AP1S3: variants seen among roughly 807,000 people sequenced by gnomAD.
AP1S3 encodes adaptor related protein complex 1 subunit sigma 3, also known as AP-1 complex subunit sigma-3.
AP1S3 carries 10 observed loss-of-function variants against 20.9 expected under a neutral mutation model. The ratio of observed to expected loss-of-function variants is 0.48; its 90% CI spans 0.29 to 0.81. AP1S3 has a LOEUF of 0.81. AP1S3 is among the 30% of genes least tolerant of loss of function. AP1S3 has a pLI of 0.08. For synonymous variants in AP1S3, 41 were observed against 61.5 expected (o/e 0.67, Z 1.56); for missense variants, 154 against 183.8 (o/e 0.84, Z 0.94).
At chr2:223,772,718 A>G (rs1421074361) in intron 3 of AP1S3, among the ~76,000 whole-genome samples, 2 of 152,234 alleles carry the variant, frequency 1.3e-5, no homozygotes, top group Non-Finnish European at 2.9e-5. Flanking sequence ...TCAGCAGATA[A>G]TATTTTCCAG....
chr2:223,834,976 G>A (rs1442037824), intron 1 of AP1S3, among the ~76,000 whole-genome samples: 1 of 137,342 alleles, frequency 7.3e-6, no homozygotes, highest in Non-Finnish European at 1.6e-5. Flanking sequence ...TACTATCTCA[G>A]CTTATGTAGA....
At chr2:223,761,060 C>A (rs913451030) in intron 4 of AP1S3, among the ~76,000 whole-genome samples, 1 of 152,152 alleles carries the variant, frequency 6.6e-6, no homozygotes, top group Non-Finnish European at 1.5e-5. Flanking sequence ...CCTGTCTGAG[C>A]CGAGCCAGGC....
intron 1 of AP1S3, among the ~76,000 whole-genome samples, chr2:223,835,275 C>A (rs78535385): frequency 2.0e-5 from 3 of 152,218 alleles, no homozygotes; most frequent in Admixed American, 2.0e-4. Flanking sequence ...ACAGATTTAA[C>A]CTCAATTGTT....
At chr2:223,817,607 CA>C (rs748661983) in intron 1 of AP1S3, among the ~76,000 whole-genome samples, 86 of 81,190 alleles carry the variant, frequency 1.1e-3, no homozygotes, top group Non-Finnish European at 1.1e-3. Context: ...GACTCCGTCT[CA>C]AAAAAAAAAA....
intron 1 of AP1S3, among the ~76,000 whole-genome samples, chr2:223,790,734 TC>T (rs1691197659): frequency 6.6e-6 from 1 of 152,166 alleles, no homozygotes; most frequent in South Asian, 2.1e-4. Context: ...AATTAGCATA[TC>T]CATCACCTCA....
chr2:223,762,479 G>T (rs1690382238), intron 4 of AP1S3, among the ~76,000 whole-genome samples: 3 of 151,994 alleles, frequency 2.0e-5, no homozygotes, highest in African/African-American at 7.2e-5. Flanking sequence ...TGCCATGTTG[G>T]CTAGGCTGGC....
intron 1 of AP1S3, among the ~76,000 whole-genome samples, chr2:223,793,185 G>T (rs961965141): frequency 1.3e-5 from 2 of 152,102 alleles, no homozygotes; most frequent in African/African-American, 4.8e-5. Context: ...AGACCTACAG[G>T]CAGAAACGCC....
At chr2:223,793,076 A>T (rs147016377) in intron 1 of AP1S3, among the ~76,000 whole-genome samples, 1 of 152,304 alleles carries the variant, frequency 6.6e-6, no homozygotes, top group Non-Finnish European at 1.5e-5. Flanking sequence ...AAACCAACAG[A>T]TGCTGATGAG....
chr2:223,776,379 G>A (rs902981913), intron 2 of AP1S3, among the ~76,000 whole-genome samples: 5 of 152,082 alleles, frequency 3.3e-5, no homozygotes, highest in African/African-American at 4.8e-5. Context: ...AGGAGCCCAC[G>A]CTCCCCACCC....
In AP1S3 at chr2:223,755,634, G is replaced by A. The variant is rs545130496; in HGVS notation, c.*3081C>T. ...CAACCTCTGCCTCCCGGGTTCAAGC[G>A]ATTCTCCTGCCTCAGCCTCCTGAGT... On this transcript the variant is annotated 3_prime_UTR_variant, in exon 5 of 5. Coordinates refer to ENST00000396654, the MANE Select transcript of AP1S3 (RefSeq NM_001039569.2). Among the ~76,000 whole-genome samples, 2 of 150,790 alleles carry A rather than the reference G, an allele frequency of 1.3e-5. No individual in the cohort carries two copies. Among genetic ancestry groups the A allele is most frequent in the South Asian group, 4.2e-4 (2 of 4,774 alleles).
intron 1 of AP1S3, among the ~76,000 whole-genome samples, chr2:223,834,321 T>C (rs186509722): frequency 2.6e-5 from 4 of 152,220 alleles, no homozygotes; most frequent in Non-Finnish European, 5.9e-5. Flanking sequence ...CTGGGCCCAA[T>C]TGTTCATGCC....
At chr2:223,791,890 G>C (rs1253360186) in intron 1 of AP1S3, among the ~76,000 whole-genome samples, 1 of 152,050 alleles carries the variant, frequency 6.6e-6, no homozygotes, top group African/African-American at 2.4e-5. Context: ...GTGAACAACA[G>C]GCAAGCCAAG....
intron 1 of AP1S3, among the ~76,000 whole-genome samples, chr2:223,828,693 T>C (rs767579979): frequency 6.6e-6 from 1 of 151,728 alleles, no homozygotes; most frequent in African/African-American, 2.4e-5. Context: ...ACACACTCTC[T>C]GAGGCCCAGA....
chr2:223,767,041 C>T (rs1283310397), intron 3 of AP1S3, among the ~76,000 whole-genome samples: 1 of 151,252 alleles, frequency 6.6e-6, no homozygotes, highest in Non-Finnish European at 1.5e-5. Flanking sequence ...ACATCACACA[C>T]CGGAGTGTGT....
chr2:223,777,614 T>TAGCAATCTAAAATGTTCAGGATTAG, intron 2 of AP1S3, 77 bp downstream of exon 2: 1 of 1,300,634 alleles, frequency 7.7e-7, no homozygotes, highest in South Asian at 1.5e-5. Context: ...GGAATTGGTA[T>TAGCAATCTAAAATGTTCAGGATTAG]AGCAATCTAA....
At chr2:223,785,194 T>C (rs924459459) in intron 1 of AP1S3, among the ~76,000 whole-genome samples, 4 of 151,884 alleles carry the variant, frequency 2.6e-5, no homozygotes, top group African/African-American at 9.7e-5. Context: ...TACAAAAAAT[T>C]AGCCGGGCGT....
intron 1 of AP1S3, among the ~76,000 whole-genome samples, chr2:223,790,556 A>AGTTT (rs1691193582): frequency 6.6e-6 from 1 of 152,086 alleles, no homozygotes; most frequent in South Asian, 2.1e-4. Context: ...TACCTAATGT[A>AGTTT]GTTTTTTTTC....
intron 1 of AP1S3, among the ~76,000 whole-genome samples, chr2:223,807,118 T>A (rs1359113131): frequency 6.6e-6 from 1 of 151,878 alleles, no homozygotes; most frequent in East Asian, 1.9e-4. Flanking sequence ...ATACAAAAAT[T>A]TAGACAGGCA....
At chr2:223,832,800 CT>C (rs1357895749) in intron 1 of AP1S3, among the ~76,000 whole-genome samples, 1 of 124,842 alleles carries the variant, frequency 8.0e-6, no homozygotes, top group East Asian at 2.4e-4. Context: ...AATTTTTTTT[CT>C]TTTTTCTTTT....
Sources: allele counts gnomAD v4.1 joint callset (sites outside exome capture counted in the v4.1 genomes callset), GRCh38; gene constraint gnomAD v4.1.1; transcripts MANE v1.5; gene names NCBI Gene and HGNC (gene_info 2026-07-23, HGNC 2026-07-21).